Variants in OXR1 observed in about 807,000 individuals in gnomAD.
The protein encoded by OXR1 is oxidation resistance protein 1.
A neutral mutation model predicts 104.6 loss-of-function variants in OXR1; 41 were observed. The ratio of observed to expected loss-of-function variants is 0.39; its 90% confidence interval spans 0.31 to 0.51. The LOEUF is 0.51. OXR1 is among the 20% of genes least tolerant of loss of function. The pLI, the probability that OXR1 is intolerant of heterozygous loss-of-function variation, is 0.77. For synonymous variants in OXR1, 348 were observed against 348.4 expected (o/e 1.00, Z 0.01); for missense variants, 955 against 1,031.9 (o/e 0.93, Z 1.02).
intron 2 of OXR1, among the ~76,000 whole-genome samples, chr8:106,454,473 A>AT (rs1465051578): frequency 6.6e-6 from 1 of 150,818 alleles, no homozygotes; most frequent in African/African-American, 2.4e-5. Context: ...AAAAAAAAAA[A>AT]AGAAAAATTA....
intron 6 of OXR1, among the ~76,000 whole-genome samples, chr8:106,685,054 A>G (rs1440651037): frequency 6.6e-6 from 1 of 152,000 alleles, no homozygotes; most frequent in Non-Finnish European, 1.5e-5. Flanking sequence ...AAAGAGAGAG[A>G]GAAATGAGGC....
chr8:106,407,000 G>A (rs1213266176), intron 2 of OXR1, among the ~76,000 whole-genome samples: 1 of 152,134 alleles, frequency 6.6e-6, no homozygotes, highest in Non-Finnish European at 1.5e-5. Context: ...GAGAGTGGGA[G>A]CAGGGGGTAT....
chr8:106,713,420 T>C (rs535009109), intron 10 of OXR1, among the ~76,000 whole-genome samples: 2 of 152,084 alleles, frequency 1.3e-5, no homozygotes, highest in African/African-American at 4.8e-5. Context: ...ACTTGGAAAA[T>C]TGTATATAAT....
chr8:106,408,215 C>T (rs1278092082), intron 2 of OXR1, among the ~76,000 whole-genome samples: 1 of 152,120 alleles, frequency 6.6e-6, no homozygotes, highest in South Asian at 2.1e-4. Flanking sequence ...TGGTTCTTCT[C>T]TCTGGAATAG....
chr8:106,613,732 T>C (rs1224241341), intron 3 of OXR1, among the ~76,000 whole-genome samples: 1 of 152,204 alleles, frequency 6.6e-6, no homozygotes, highest in Non-Finnish European at 1.5e-5. Context: ...CAACCATAAC[T>C]GTCAGTGTAA....
chr8:106,561,054 C>A (rs368070029), intron 3 of OXR1, among the ~76,000 whole-genome samples: 10 of 152,138 alleles, frequency 6.6e-5, no homozygotes, highest in East Asian at 1.9e-4. Context: ...ACCACAAGGG[C>A]CCTGGGTTTC....
intron 2 of OXR1, among the ~76,000 whole-genome samples, chr8:106,424,574 C>G (rs1320042727): frequency 6.6e-6 from 1 of 152,062 alleles, no homozygotes; most frequent in African/African-American, 2.4e-5. Flanking sequence ...TTTAGAAGAG[C>G]ACTACAATGA....
intron 2 of OXR1, among the ~76,000 whole-genome samples, chr8:106,483,917 T>G (rs1822288817): frequency 6.6e-6 from 1 of 152,108 alleles, no homozygotes; most frequent in Admixed American, 6.6e-5. Context: ...ACATTTGATT[T>G]TGAAGAACTC....
intron 2 of OXR1, among the ~76,000 whole-genome samples, chr8:106,398,424 G>A (rs2130465963): frequency 6.6e-6 from 1 of 152,240 alleles, no homozygotes; most frequent in Middle Eastern, 3.4e-3. Flanking sequence ...GAGAGCTGCT[G>A]CTGCAAGCCC....
intron 3 of OXR1, among the ~76,000 whole-genome samples, chr8:106,629,755 C>T (rs1437448592): frequency 6.6e-6 from 1 of 152,116 alleles, no homozygotes; most frequent in Non-Finnish European, 1.5e-5. Flanking sequence ...AATATTCATT[C>T]TGCATTATTA....
rs565666804 is a variant in OXR1, at chr8:106,485,331, G to C, written c.24-33612G>C. Reference sequence around the variant, plus strand: ...TAAACTATGGACTTTGCATTATTATGATGTGTTAGTATAAGTTTATCAAGT... The same window carrying C: ...TAAACTATGGACTTTGCATTATTATCATGTGTTAGTATAAGTTTATCAAGT... On this transcript the variant is annotated intron_variant, in intron 2 of 16. Coordinates refer to ENST00000517566, the MANE Select transcript of OXR1 (RefSeq NM_001198533.2). Among the ~76,000 whole-genome samples the C allele has an allele frequency of 5.9e-5, 9 of 152,182 alleles. No individual in the cohort carries two copies. The East Asian group carries it at 1.7e-3, about 30-fold the overall frequency.
At chr8:106,642,522 G>A (rs535621956) in intron 3 of OXR1, among the ~76,000 whole-genome samples, 1 of 152,266 alleles carries the variant, frequency 6.6e-6, no homozygotes, top group East Asian at 1.9e-4. Context: ...TATGTGAAAA[G>A]AAAAGAGCAT....
At chr8:106,452,053 T>G (rs1820342082) in intron 2 of OXR1, among the ~76,000 whole-genome samples, 1 of 152,174 alleles carries the variant, frequency 6.6e-6, no homozygotes, top group South Asian at 2.1e-4. Context: ...AGCCGACATA[T>G]TGTATGCAGG....
intron 2 of OXR1, among the ~76,000 whole-genome samples, chr8:106,495,189 C>T (rs1811335649): frequency 6.6e-6 from 1 of 151,596 alleles, no homozygotes; most frequent in African/African-American, 2.4e-5. Flanking sequence ...TTTACATAAT[C>T]CACATAACAT....
At chr8:106,608,152 C>T (rs577760993) in intron 3 of OXR1, among the ~76,000 whole-genome samples, 11 of 151,998 alleles carry the variant, frequency 7.2e-5, no homozygotes, top group African/African-American at 2.2e-4. Flanking sequence ...TGGTCAGGCA[C>T]GGTGGTATGT....
intron 11 of OXR1, 126 bp downstream of exon 11, chr8:106,714,111 A>G: frequency 1.6e-6 from 1 of 637,262 alleles, no homozygotes; most frequent in Non-Finnish European, 2.6e-6. Context: ...CAGGTTCACT[A>G]TCCGTGTTTA....
chr8:106,565,783 G>C (rs1398818833), intron 3 of OXR1, among the ~76,000 whole-genome samples: 1 of 152,010 alleles, frequency 6.6e-6, no homozygotes, highest in Non-Finnish European at 1.5e-5. Flanking sequence ...AAACAGGTAT[G>C]TAGACCAATG....
At chr8:106,608,886 C>A (rs2130790076) in intron 3 of OXR1, among the ~76,000 whole-genome samples, 1 of 152,254 alleles carries the variant, frequency 6.6e-6, no homozygotes, top group South Asian at 2.1e-4. Flanking sequence ...TTCTTAGTGA[C>A]AACATTGTGA....
At chr8:106,372,202 G>A (rs1189729810) in intron 2 of OXR1, among the ~76,000 whole-genome samples, 2 of 152,198 alleles carry the variant, frequency 1.3e-5, no homozygotes, top group African/African-American at 4.8e-5. Flanking sequence ...CATGGAAAAA[G>A]CAGTTTCCCT....
Sources: gnomAD v4.1 joint callset for allele counts (sites outside exome capture counted in the v4.1 genomes callset) on GRCh38, gnomAD v4.1.1 for gene constraint, MANE v1.5 for transcripts, NCBI Gene and HGNC (gene_info 2026-07-23, HGNC 2026-07-21) for gene names.